Variants in LRRTM3 observed in about 807,000 individuals in gnomAD.
LRRTM3 encodes the protein leucine rich repeat transmembrane neuronal 3.
In LRRTM3, 24 loss-of-function variants were observed where a neutral mutation model predicts 44.7. That is an observed-to-expected ratio of 0.54 (90% CI 0.39 to 0.76). The LOEUF is 0.76. LRRTM3 is among the 30% of genes least tolerant of loss of function. The probability of loss-of-function intolerance (pLI) is 0.00; values close to 1 mark genes in which losing one functional copy is unlikely to be tolerated. For synonymous variants in LRRTM3, 277 were observed against 278.7 expected (o/e 0.99, Z 0.06); for missense variants, 587 against 702.2 (o/e 0.84, Z 1.85).
At chr10:66,965,534 A>C (rs550459043) in intron 2 of LRRTM3, among the ~76,000 whole-genome samples, 1 of 147,516 alleles carries the variant, frequency 6.8e-6, no homozygotes, top group Non-Finnish European at 1.5e-5. Context: ...ACTCCGTCTC[A>C]AAAAAGAAAG....
At chr10:66,967,361 T>C (rs1476668688) in intron 2 of LRRTM3, among the ~76,000 whole-genome samples, 2 of 151,642 alleles carry the variant, frequency 1.3e-5, no homozygotes, top group Non-Finnish European at 2.9e-5. Flanking sequence ...GATAGATAGA[T>C]ATATGTAGAT....
chr10:66,959,599 T>A (rs1216133959), intron 2 of LRRTM3, among the ~76,000 whole-genome samples: 1 of 152,112 alleles, frequency 6.6e-6, no homozygotes, highest in Non-Finnish European at 1.5e-5. Context: ...CTGGTGAAAG[T>A]AGATGATTTC....
intron 2 of LRRTM3, among the ~76,000 whole-genome samples, chr10:66,943,131 T>TA (rs1312737376): frequency 6.6e-6 from 1 of 152,208 alleles, no homozygotes; most frequent in Non-Finnish European, 1.5e-5. Context: ...ACAAATTTGA[T>TA]ACATGTCCTT....
intron 2 of LRRTM3, among the ~76,000 whole-genome samples, chr10:67,056,624 G>A (rs1183243345): frequency 6.6e-6 from 1 of 151,996 alleles, no homozygotes; most frequent in Non-Finnish European, 1.5e-5. Flanking sequence ...AACAATAAGG[G>A]CATTCCAAAT....
At chr10:66,980,492 CTAT>C (rs1850357908) in intron 2 of LRRTM3, among the ~76,000 whole-genome samples, 3 of 128,322 alleles carry the variant, frequency 2.3e-5, no homozygotes, top group Non-Finnish European at 5.1e-5. Context: ...GGAACCAAAA[CTAT>C]TGAGACCTTC....
At chr10:66,965,125 T>C (rs1849327671) in intron 2 of LRRTM3, among the ~76,000 whole-genome samples, 1 of 152,124 alleles carries the variant, frequency 6.6e-6, no homozygotes, top group Non-Finnish European at 1.5e-5. Context: ...CTGTTCTTTG[T>C]CCCATGCCAA....
At chr10:67,076,330 A>G (rs1224505447) in intron 2 of LRRTM3, among the ~76,000 whole-genome samples, 2 of 152,264 alleles carry the variant, frequency 1.3e-5, no homozygotes, top group East Asian at 3.8e-4. Flanking sequence ...TCCTCAAAAT[A>G]TGAGTAATCA....
intron 2 of LRRTM3, among the ~76,000 whole-genome samples, chr10:67,006,115 A>G (rs1419955396): frequency 6.6e-6 from 1 of 152,102 alleles, no homozygotes; most frequent in East Asian, 1.9e-4. Context: ...CAACTTTGCA[A>G]CTATCTTGCA....
chr10:67,076,353 G>A (rs545277929), intron 2 of LRRTM3, among the ~76,000 whole-genome samples: 81 of 152,330 alleles, frequency 5.3e-4, no homozygotes, highest in African/African-American at 1.8e-3. Flanking sequence ...ATCCAGTAGG[G>A]CTGGCAGCTT....
intron 2 of LRRTM3, among the ~76,000 whole-genome samples, chr10:66,962,207 C>T (rs564290112): frequency 8.5e-5 from 13 of 152,226 alleles, no homozygotes; most frequent in African/African-American, 3.1e-4. Flanking sequence ...AAAGTAATTA[C>T]AATGCCTCAA....
chr10:67,086,989 G>C (rs969357438), intron 2 of LRRTM3, among the ~76,000 whole-genome samples: 1 of 151,944 alleles, frequency 6.6e-6, no homozygotes, highest in Non-Finnish European at 1.5e-5. Context: ...TTTTCATACT[G>C]ATTAGCAACT....
At chr10:67,088,572 A>G (rs1039566067) in intron 2 of LRRTM3, among the ~76,000 whole-genome samples, 18 of 152,026 alleles carry the variant, frequency 1.2e-4, no homozygotes, top group Admixed American at 1.3e-4. Context: ...CAAGACACCC[A>G]TAAAGCTACC....
intron 2 of LRRTM3, among the ~76,000 whole-genome samples, chr10:66,989,797 G>T (rs1253268924): frequency 6.6e-6 from 1 of 152,052 alleles, no homozygotes; most frequent in Non-Finnish European, 1.5e-5. Context: ...GCTGGTCTGA[G>T]CTCATCCAGG....
intron 2 of LRRTM3, among the ~76,000 whole-genome samples, chr10:66,948,596 G>A (rs1848388654): frequency 6.6e-6 from 1 of 152,162 alleles, no homozygotes; most frequent in African/African-American, 2.4e-5. Context: ...TTAACCATAA[G>A]ATATAGCATG....
At chr10:67,067,390 C>T (rs1340251267) in intron 2 of LRRTM3, among the ~76,000 whole-genome samples, 2 of 152,132 alleles carry the variant, frequency 1.3e-5, no homozygotes, top group Admixed American at 6.5e-5. Context: ...ATGATTTGCT[C>T]GTATTCACTT....
At chr10:66,952,320 T>C (rs1327103809) in intron 2 of LRRTM3, among the ~76,000 whole-genome samples, 1 of 152,208 alleles carries the variant, frequency 6.6e-6, no homozygotes, top group Non-Finnish European at 1.5e-5. Flanking sequence ...ATGTCACTTT[T>C]ATACTCAATC....
In LRRTM3 at chr10:67,097,700, G is replaced by A. The variant is rs267602550; in HGVS notation, c.1650G>A (p.Gln550=). 1 of 1,612,754 alleles carries A rather than the reference G, an allele frequency of 6.2e-7. No individual in the cohort carries two copies. Among genetic ancestry groups the A allele is most frequent in the Non-Finnish European group, 8.5e-7 (1 of 1,179,078 alleles). ...LSHKSFETNA[Q]EDTMETHLET... ...ATAAGTCCTTTGAAACGAATGCACA[G>A]GAAGATACGATGGAAACACACCTAG... Residue 550 remains glutamine, a synonymous_variant, in exon 3 of 3, where the codon CAG becomes CAA. Transcript: ENST00000361320.
chr10:67,033,020 G>A (rs955116827), intron 2 of LRRTM3, among the ~76,000 whole-genome samples: 3 of 152,050 alleles, frequency 2.0e-5, no homozygotes, highest in African/African-American at 4.8e-5. Context: ...TTATTTTACA[G>A]TACTTTTACC....
chr10:67,081,196 CAG>C (rs1272192505), intron 2 of LRRTM3, among the ~76,000 whole-genome samples: 9 of 152,050 alleles, frequency 5.9e-5, no homozygotes, highest in South Asian at 4.1e-4. Context: ...AATGTGGAAA[CAG>C]TAATAATTAT....
Sources: gnomAD v4.1 joint callset for allele counts (sites outside exome capture counted in the v4.1 genomes callset) on GRCh38, gnomAD v4.1.1 for gene constraint, MANE v1.5 for transcripts, NCBI Gene and HGNC (gene_info 2026-07-23, HGNC 2026-07-21) for gene names.